PRRC1: variants seen among roughly 807,000 people sequenced by gnomAD.
PRRC1 encodes the protein proline rich coiled-coil 1, also known as protein PRRC1.
Under a neutral mutation model 40.7 loss-of-function variants are expected in PRRC1, and 39 were observed. The ratio of observed to expected loss-of-function variants is 0.96; its 90% CI spans 0.74 to 1.25. PRRC1 has a LOEUF of 1.25. Among genes scored for constraint, PRRC1 ranks in the 50% most tolerant of loss-of-function variants. The probability of loss-of-function intolerance (pLI) is 0.00; values close to 1 mark genes in which losing one functional copy is unlikely to be tolerated. For missense variants in PRRC1, 573 were observed against 548.3 expected (o/e 1.05, Z -0.45); for synonymous variants, 175 against 193.3 (o/e 0.91, Z 0.79).
At chr5:127,523,611 G>A in intron 2 of PRRC1, 29 bp downstream of exon 2, 1 of 1,393,872 alleles carries the variant, frequency 7.2e-7, no homozygotes. Flanking sequence ...CATCTCGTGT[G>A]TTTTGAGAAT....
chr5:127,546,936 A>C (rs550176936), intron 7 of PRRC1, among the ~76,000 whole-genome samples: 8 of 152,156 alleles, frequency 5.3e-5, no homozygotes, highest in Non-Finnish European at 1.2e-4. Context: ...CACTATAGAC[A>C]TTATAAAGTG....
chr5:127,544,256 G>A (rs186486372), intron 7 of PRRC1, among the ~76,000 whole-genome samples: 67 of 152,286 alleles, frequency 4.4e-4, no homozygotes, highest in Non-Finnish European at 7.9e-4. Flanking sequence ...AGGAGTACCC[G>A]GCCAGCCGTG....
At chr5:127,524,510 A>G in intron 2 of PRRC1, 21 bp from the exon 3 acceptor site, 1 of 1,577,340 alleles carries the variant, frequency 6.3e-7, no homozygotes, top group Non-Finnish European at 8.6e-7. Flanking sequence ...CTGTGCTTTT[A>G]TCCTCTCCAC....
chr5:127,533,248 G>A lies in PRRC1; in HGVS notation c.758-375G>A, dbSNP rs1396964194. Among the ~76,000 whole-genome samples, 3 of 152,100 alleles carry A rather than the reference G, an allele frequency of 2.0e-5. No homozygotes were observed. The South Asian group carries it at 6.2e-4, about 31-fold the overall frequency. Reference sequence around the variant, plus strand: ...GTTAAAAAGTATATTTCATGGTAGTGCTTGTTTAGTACATAACTTCTCTGC... The same window carrying A: ...GTTAAAAAGTATATTTCATGGTAGTACTTGTTTAGTACATAACTTCTCTGC... On this transcript the variant is annotated intron_variant, in intron 5 of 8. Coordinates refer to ENST00000296666, the MANE Select transcript of PRRC1 (RefSeq NM_130809.5).
At chr5:127,544,340 C>T (rs1027946578) in intron 7 of PRRC1, among the ~76,000 whole-genome samples, 3 of 152,222 alleles carry the variant, frequency 2.0e-5, no homozygotes, top group African/African-American at 7.2e-5. Context: ...CAGGGGCCCA[C>T]TTGAGGAGGC....
In PRRC1 at chr5:127,517,721, C is replaced by T. The variant is rs1485666029; in HGVS notation, c.-76C>T. ...TCCAAGCTGTAGTTCTACGTCCCGACCTCCCTATCATACCACACTCTTCAG... is the reference window on the plus strand; with the variant it reads ...TCCAAGCTGTAGTTCTACGTCCCGATCTCCCTATCATACCACACTCTTCAG... On this transcript the variant is annotated 5_prime_UTR_variant, in exon 1 of 9. Coordinates refer to ENST00000296666, the MANE Select transcript of PRRC1 (RefSeq NM_130809.5). The T allele has an allele frequency of 6.6e-6, 1 of 152,190 alleles. No homozygotes were observed. Among genetic ancestry groups the T allele is most frequent in the Non-Finnish European group, 1.5e-5 (1 of 68,066 alleles). 9.4% of individuals were successfully genotyped at this position (152,190 alleles called of 1,614,324 possible).
At chr5:127,547,642 TACAGA>T (rs1561688772) in intron 7 of PRRC1, among the ~76,000 whole-genome samples, 172 bp from the exon 8 acceptor site, 1 of 136,060 alleles carries the variant, frequency 7.3e-6, no homozygotes, top group African/African-American at 2.6e-5. Flanking sequence ...TTAGAATTAA[TACAGA>T]GTAATTTTAT....
intron 4 of PRRC1, among the ~76,000 whole-genome samples, chr5:127,527,493 C>A (rs1767649274): frequency 1.3e-5 from 2 of 151,980 alleles, no homozygotes. Flanking sequence ...TGCCTCATGC[C>A]TGTAATCTTA....
intron 7 of PRRC1, among the ~76,000 whole-genome samples, chr5:127,540,214 G>C (rs909167726): frequency 6.6e-6 from 1 of 152,058 alleles, no homozygotes; most frequent in East Asian, 1.9e-4. Context: ...AAACCGTCCA[G>C]TGATTGTTGT....
At chr5:127,551,497 G>C in intron 8 of PRRC1, 1 of 550,076 alleles carries the variant, frequency 1.8e-6, no homozygotes, top group Non-Finnish European at 3.2e-6. Flanking sequence ...CGTTAATGGG[G>C]ATATTTTTTA....
intron 7 of PRRC1, among the ~76,000 whole-genome samples, chr5:127,540,170 TTGA>T (rs1768002554): frequency 6.6e-6 from 1 of 152,152 alleles, no homozygotes; most frequent in Non-Finnish European, 1.5e-5. Flanking sequence ...GAATTCTAGG[TTGA>T]TAAGTTTCAA....
chr5:127,540,509 T>C (rs948415515), intron 7 of PRRC1, among the ~76,000 whole-genome samples: 1 of 152,152 alleles, frequency 6.6e-6, no homozygotes, highest in East Asian at 1.9e-4. Context: ...GTCATTTTTC[T>C]TCGAAAGGAA....
Position 127,554,849 on chromosome 5 carries a change from T to C in PRRC1, c.*2933T>C, listed in dbSNP as rs384556. The C allele has an allele frequency of 0.3, 45,131 of 152,534 alleles. 6,992 individuals carry two copies. The highest frequency in any genetic ancestry group is 0.55 in the East Asian group (2,838 of 5,180). The allele number at this position is 152,534 out of a possible 1,614,324, so 9.4% of individuals were successfully genotyped here. A position where few individuals can be genotyped will look rare whatever the true frequency, so the allele number is the denominator to read the frequency against. On this transcript the variant is annotated 3_prime_UTR_variant, in exon 9 of 9. Coordinates refer to ENST00000296666, the MANE Select transcript of PRRC1 (RefSeq NM_130809.5). Reference sequence around the variant, plus strand: ...TAAATTACTTTAATATGCTGTTGAATCTACTCTGTTCCTTGGCTAGAAAAA... The same window carrying C: ...TAAATTACTTTAATATGCTGTTGAACCTACTCTGTTCCTTGGCTAGAAAAA...
chr5:127,547,827 A>T lies in PRRC1; in HGVS notation c.1034A>T (p.Asp345Val). The T allele has an allele frequency of 6.2e-7, 1 of 1,612,104 alleles. No individual in the cohort carries two copies. Among genetic ancestry groups the T allele is most frequent in the Non-Finnish European group, 8.5e-7 (1 of 1,178,636 alleles). Residue 345 changes from aspartate to valine, a missense_variant, in exon 8 of 9, where the codon GAC (aspartate) becomes GTC (valine). By Grantham distance (152) the Asp-to-Val change is radical. Coordinates refer to ENST00000296666, the MANE Select transcript of PRRC1 (RefSeq NM_130809.5). ...TCGTAATTCTGTTGCAGATGGTTTG[A>T]CATTGGTTGTTTGGTGGTTGAAGAT... ...IAELLPDKWF[D>V]IGCLVVEDPV...
At position 127,526,774 on chromosome 5, in the gene PRRC1, TTAAGG is replaced by T; in HGVS notation, c.654+1_654+5del. ...TCTGCTGGTGGAATCTGGGGTTTTA[TTAAGG>T]TAAGACGTGTTTAAAAATTATGTTT... On this transcript the variant is annotated splice_donor_variant and coding_sequence_variant, in exon 4 of 9. Coordinates refer to ENST00000296666, the MANE Select transcript of PRRC1 (RefSeq NM_130809.5). LOFTEE classifies it high-confidence loss of function. 7.5e-6 allele frequency: 12 copies of T among 1,603,634 alleles called. No homozygotes were observed. In the Middle Eastern group the frequency reaches 1.8e-3, roughly 244 times the overall value.
At chr5:127,539,884 C>T (rs1767994246) in intron 7 of PRRC1, among the ~76,000 whole-genome samples, 2 of 152,022 alleles carry the variant, frequency 1.3e-5, no homozygotes, top group Non-Finnish European at 2.9e-5. Flanking sequence ...AAAAAGGAAA[C>T]ATAATTTTTT....
intron 7 of PRRC1, among the ~76,000 whole-genome samples, chr5:127,544,174 T>G (rs1463300686): frequency 3.3e-5 from 5 of 152,208 alleles, no homozygotes; most frequent in Admixed American, 3.3e-4. Flanking sequence ...AGCAGCAGTG[T>G]CTGCAGAACC....
In PRRC1 at chr5:127,524,927, C is replaced by A. The variant is rs148035544; in HGVS notation, c.493+7C>A. 2.6e-6 allele frequency: 4 copies of A among 1,564,166 alleles called. No individual in the cohort carries two copies. In the East Asian group the frequency reaches 9.0e-5, roughly 35 times the overall value. On this transcript the variant is annotated splice_region_variant and intron_variant, in intron 3 of 8. Transcript: ENST00000296666. ...TCTGCACCTTCAGGAACAGGTAATTCTTTCTGATACTTTGAAATACATGGC... is the reference window on the plus strand; with the variant it reads ...TCTGCACCTTCAGGAACAGGTAATTATTTCTGATACTTTGAAATACATGGC...
chr5:127,528,122 G>A (rs928530075), intron 4 of PRRC1, among the ~76,000 whole-genome samples: 1 of 151,984 alleles, frequency 6.6e-6, no homozygotes, highest in African/African-American at 2.4e-5. Context: ...GTTTTAAATT[G>A]GGATGATTTT....
Sources: gnomAD v4.1 joint callset for allele counts (sites outside exome capture counted in the v4.1 genomes callset) on GRCh38, gnomAD v4.1.1 for gene constraint, MANE v1.5 for transcripts, NCBI Gene and HGNC (gene_info 2026-07-23, HGNC 2026-07-21) for gene names.